FBXW8: variants seen among roughly 807,000 people sequenced by gnomAD.
The protein encoded by FBXW8 is F-box and WD repeat domain containing 8, also known as F-box/WD repeat-containing protein 8.
Under a neutral mutation model 65.3 loss-of-function variants are expected in FBXW8, and 57 were observed. The ratio of observed to expected loss-of-function variants is 0.87; its 90% confidence interval spans 0.71 to 1.09. FBXW8 has a LOEUF of 1.09. Ranked by LOEUF, FBXW8 falls within the 50% of genes least tolerant of loss-of-function variation. The pLI, the probability that FBXW8 is intolerant of heterozygous loss-of-function variation, is 0.00. For missense variants in FBXW8, 777 were observed against 814.8 expected, an observed-to-expected ratio of 0.95 and a Z score of 0.57; for synonymous variants, 308 against 330.2, an observed-to-expected ratio of 0.93 and a Z score of 0.73.
At position 116,911,311 on chromosome 12, in the gene FBXW8, G is replaced by A; in HGVS notation, c.274G>A (p.Ala92Thr). Residue 92 changes from alanine to threonine, a missense_variant, in exon 1 of 11, where the codon GCC becomes ACC. By Grantham distance (58) the Ala-to-Thr change is moderately conservative (BLOSUM62 0). Coordinates refer to ENST00000652555, the MANE Select transcript of FBXW8 (RefSeq NM_153348.3). The part of the protein sequence containing the change: ...RSRSPLAREG[A>T]GGGEQLVDQL... ...ACGTTCTCCTCTGGCCCGCGAGGGCGCCGGGGGCGGGGAGCAGCTGGTGGA... is the reference window on the plus strand; with the variant it reads ...ACGTTCTCCTCTGGCCCGCGAGGGCACCGGGGGCGGGGAGCAGCTGGTGGA... The A allele has an allele frequency of 7.8e-7, 1 of 1,283,776 alleles. No homozygotes were observed. Among genetic ancestry groups the A allele is most frequent in the East Asian group, 3.1e-5 (1 of 32,016 alleles). 79.5% of individuals were successfully genotyped at this position (1,283,776 alleles called of 1,614,324 possible). A position where few individuals can be genotyped will look rare whatever the true frequency, so the allele number is the denominator to read the frequency against.
rs1227370726 is a variant in FBXW8 at position 116,945,477 on chromosome 12, C to A, written c.537C>A (p.Leu179=). Residue 179 remains leucine (L), a synonymous_variant, in exon 3 of 11, where the codon CTC becomes CTA. Transcript: ENST00000652555. ...SSISDYSCWK[L]IFQECRAKEH... is the part of the protein sequence containing the mutation. ...TCTCTGACTATTCTTGCTGGAAGCT[C>A]ATCTTCCAAGAGTGCCGAGCCAAGG... 2.5e-6 allele frequency: 4 copies of A among 1,614,158 alleles called. No homozygotes were observed. In the Admixed American group the frequency reaches 6.7e-5, roughly 27 times the overall value.
At chr12:116,940,535 C>A (rs1368804372) in intron 2 of FBXW8, among the ~76,000 whole-genome samples, 3 of 144,306 alleles carry the variant, frequency 2.1e-5, no homozygotes, top group East Asian at 2.0e-4. Context: ...AAAAAAAAAA[C>A]CCTGAAGAAT....
chr12:117,016,618 T>C (rs901948046), intron 8 of FBXW8, among the ~76,000 whole-genome samples: 1 of 152,140 alleles, frequency 6.6e-6, no homozygotes, highest in Non-Finnish European at 1.5e-5. Context: ...AAGTTTTCAA[T>C]TTTGATGAAG....
intron 4 of FBXW8, among the ~76,000 whole-genome samples, chr12:116,958,997 C>T (rs1357326377): frequency 6.6e-6 from 1 of 152,190 alleles, no homozygotes; most frequent in Non-Finnish European, 1.5e-5. Flanking sequence ...CTCTTGGCTG[C>T]TCTGGGTGCC....
At chr12:116,938,163 A>G (rs1882293485) in intron 2 of FBXW8, among the ~76,000 whole-genome samples, 1 of 152,202 alleles carries the variant, frequency 6.6e-6, no homozygotes, top group Non-Finnish European at 1.5e-5. Flanking sequence ...CTTCAGAATT[A>G]AAAGTCATTT....
chr12:117,004,947 A>G (rs989933889), intron 7 of FBXW8, among the ~76,000 whole-genome samples: 1 of 152,150 alleles, frequency 6.6e-6, no homozygotes, highest in Non-Finnish European at 1.5e-5. Flanking sequence ...ATTGCTTATT[A>G]AACAGAATGT....
chr12:116,982,591 A>C (rs1397064519), intron 5 of FBXW8, among the ~76,000 whole-genome samples: 1 of 151,450 alleles, frequency 6.6e-6, no homozygotes, highest in Non-Finnish European at 1.5e-5. Flanking sequence ...TCAGGAGAGA[A>C]AGATTTGACC....
intron 5 of FBXW8, among the ~76,000 whole-genome samples, chr12:116,971,058 C>G (rs1340644642): frequency 6.6e-6 from 1 of 151,960 alleles, no homozygotes; most frequent in Non-Finnish European, 1.5e-5. Context: ...TAGGAATGCT[C>G]ACATTTTAAA....
At chr12:116,964,103 G>A (rs1411035091) in intron 4 of FBXW8, among the ~76,000 whole-genome samples, 2 of 152,190 alleles carry the variant, frequency 1.3e-5, no homozygotes, top group Admixed American at 6.5e-5. Flanking sequence ...GGGCAAAACC[G>A]GGCAGTGTCG....
At position 116,945,357 on chromosome 12, in the gene FBXW8, G is replaced by A; in HGVS notation, c.424-7G>A. On this transcript the variant is annotated splice_polypyrimidine_tract_variant and splice_region_variant and intron_variant, in intron 2 of 10. Transcript: ENST00000652555. ...ATTTGACATTTGTGTCACTTCTGCT[G>A]TTTTAGGTGAGCAAGACGTGGAAGG... 6.2e-7 allele frequency: 1 copy of A among 1,608,030 alleles called. No homozygotes were observed. The highest frequency in any genetic ancestry group is 8.5e-7 in the Non-Finnish European group (1 of 1,176,376).
At chr12:116,991,752 C>A (rs1229424070) in intron 7 of FBXW8, among the ~76,000 whole-genome samples, 1 of 152,108 alleles carries the variant, frequency 6.6e-6, no homozygotes, top group Non-Finnish European at 1.5e-5. Flanking sequence ...TAGCTGTAGT[C>A]CATTATTGAT....
At chr12:117,002,033 G>A (rs1220946908) in intron 7 of FBXW8, among the ~76,000 whole-genome samples, 1 of 152,198 alleles carries the variant, frequency 6.6e-6, no homozygotes, top group African/African-American at 2.4e-5. Context: ...ATTTGTACCC[G>A]AGTGTACTCT....
chr12:116,964,922 G>T (rs1884221584), intron 5 of FBXW8, 68 bp downstream of exon 5: 2 of 1,496,952 alleles, frequency 1.3e-6, no homozygotes, highest in African/African-American at 2.8e-5. Flanking sequence ...AGCAGCTGTG[G>T]CCGGCTCCCC....
chr12:116,982,367 A>C (rs540635344), intron 5 of FBXW8, among the ~76,000 whole-genome samples: 77 of 152,352 alleles, frequency 5.1e-4, no homozygotes, highest in African/African-American at 1.7e-3. Flanking sequence ...TTCAAAGCAA[A>C]GACTATAGTA....
Position 116,956,542 on chromosome 12 carries a change from G to A in FBXW8, c.677+6836G>A, listed in dbSNP as rs74616507. On this transcript the variant is annotated intron_variant, in intron 4 of 10. Transcript: ENST00000652555. Reference sequence around the variant, plus strand: ...GAGGGTTTGCAGTTCTTTGTAGACAGAGAGCAAAATTTGGAGCTTCAAATT... The same window carrying A: ...GAGGGTTTGCAGTTCTTTGTAGACAAAGAGCAAAATTTGGAGCTTCAAATT... 8.4e-3 allele frequency among the ~76,000 whole-genome samples: 1,278 copies of A among 152,336 alleles called. 21 individuals are homozygous for A. The highest frequency in any genetic ancestry group is 0.029 in the African/African-American group (1,213 of 41,568).
chr12:116,927,836 G>T (rs1032168026), intron 1 of FBXW8, among the ~76,000 whole-genome samples, 187 bp from the exon 2 acceptor site: 1 of 152,192 alleles, frequency 6.6e-6, no homozygotes, highest in African/African-American at 2.4e-5. Flanking sequence ...AATGGAGGAT[G>T]GCTGGCAGAT....
chr12:116,934,147 G>T (rs1881982441), intron 2 of FBXW8, among the ~76,000 whole-genome samples: 1 of 152,126 alleles, frequency 6.6e-6, no homozygotes, highest in South Asian at 2.1e-4. Context: ...GACTGATTTT[G>T]CTTTGACTTT....
chr12:116,920,780 C>G (rs1222302272), intron 1 of FBXW8, among the ~76,000 whole-genome samples: 1 of 152,062 alleles, frequency 6.6e-6, no homozygotes, highest in African/African-American at 2.4e-5. Flanking sequence ...GACCAACAGG[C>G]CCCCCAAATT....
intron 4 of FBXW8, among the ~76,000 whole-genome samples, chr12:116,960,800 G>A (rs1883940077): frequency 6.6e-6 from 1 of 152,226 alleles, no homozygotes; most frequent in African/African-American, 2.4e-5. Flanking sequence ...AGACTTTACA[G>A]TCAAGTTGAG....
Sources: allele counts gnomAD v4.1 joint callset (sites outside exome capture counted in the v4.1 genomes callset), GRCh38; gene constraint gnomAD v4.1.1; transcripts MANE v1.5; gene names NCBI Gene and HGNC (gene_info 2026-07-23, HGNC 2026-07-21).